Variants in ETV7 observed in about 807,000 individuals in gnomAD.
ETV7 encodes the protein transcription factor ETV7.
In ETV7, 43 loss-of-function variants were observed where a neutral mutation model predicts 39.1. The observed-to-expected ratio is 1.10, with a 90% CI of 0.86 to 1.42. ETV7 has a LOEUF of 1.42. Ranked by LOEUF, ETV7 falls within the 40% of genes most tolerant of loss-of-function variation. The probability of loss-of-function intolerance (pLI) is 0.00; values close to 1 mark genes in which losing one functional copy is unlikely to be tolerated. For missense variants in ETV7, 432 were observed against 442.3 expected, an observed-to-expected ratio of 0.98 and a Z score of 0.21; for synonymous variants, 196 against 176.6, an observed-to-expected ratio of 1.11 and a Z score of -0.87.
At chr6:36,365,849 T>C (rs7748318), downstream of ETV7, among the ~76,000 whole-genome samples, 14,805 of 152,178 alleles carry the variant, frequency 0.097, 1,034 homozygotes, top group African/African-American at 0.2. Context: ...ACAAGGCCCT[T>C]AGCACAAGGC....
At chr6:36,359,170 G>C (rs766267093) in intron 7 of ETV7, among the ~76,000 whole-genome samples, 1 of 152,232 alleles carries the variant, frequency 6.6e-6, no homozygotes, top group South Asian at 2.1e-4. Flanking sequence ...GGATGGACAG[G>C]CTGGGCGAAG....
chr6:36,373,322 T>C (rs1164648322), intron 4 of ETV7, 131 bp downstream of exon 4: 2 of 923,950 alleles, frequency 2.2e-6, no homozygotes, highest in African/African-American at 4.8e-5. Context: ...GAGCAGGAGG[T>C]GGGGGTGGGG....
chr6:36,363,092 C>T (rs898839831), downstream of ETV7, among the ~76,000 whole-genome samples: 7 of 150,030 alleles, frequency 4.7e-5, no homozygotes, highest in Non-Finnish European at 8.8e-5. Context: ...TTCGACAGTC[C>T]CTCCTAAGCC....
chr6:36,376,863 C>T (rs945099890), intron 2 of ETV7, among the ~76,000 whole-genome samples: 5 of 152,008 alleles, frequency 3.3e-5, no homozygotes, highest in Admixed American at 1.3e-4. Flanking sequence ...CTAGCCCACA[C>T]GCATACAGGC....
chr6:36,377,807 A>G (rs1301778558), intron 2 of ETV7, among the ~76,000 whole-genome samples: 1 of 152,172 alleles, frequency 6.6e-6, no homozygotes, highest in Non-Finnish European at 1.5e-5. Flanking sequence ...CCCACCACCA[A>G]TAACTCTAAC....
chr6:36,375,979 C>G lies in ETV7; in HGVS notation c.199G>C (p.Glu67Gln), dbSNP rs976452655. The G allele has an allele frequency of 7.4e-6, 12 of 1,612,140 alleles. No homozygotes were observed. Among genetic ancestry groups the G allele is most frequent in the Non-Finnish European group, 1.0e-5 (12 of 1,180,022 alleles). Residue 67 changes from glutamate (E) to glutamine (Q), a missense_variant, in exon 3 of 8, where the codon GAG (glutamate) becomes CAG (glutamine). Transcript: ENST00000340181. ...EDVLHWLRWA[E>Q]QEYSLPCTAE... Reference sequence around the variant, plus strand: ...GTGCATGGCAGAGAGTACTCCTGCTCTGCCCAGCGCAGCCAGTGCAGCACG... The same window carrying G: ...GTGCATGGCAGAGAGTACTCCTGCTGTGCCCAGCGCAGCCAGTGCAGCACG...
chr6:36,359,136 T>TGACCTGCAGATTA (rs1468475592), intron 7 of ETV7, among the ~76,000 whole-genome samples: 1 of 152,178 alleles, frequency 6.6e-6, no homozygotes, highest in African/African-American at 2.4e-5. Flanking sequence ...TTTCATGGTG[T>TGACCTGCAGATTA]GACCTGCAGA....
At chr6:36,384,383 C>G (rs1773795088) in intron 2 of ETV7, among the ~76,000 whole-genome samples, 1 of 152,182 alleles carries the variant, frequency 6.6e-6, no homozygotes, top group Admixed American at 6.5e-5. Flanking sequence ...GAAGGGCCCA[C>G]AGAAGTGATC....
At chr6:36,364,796 A>G (rs1052183385), downstream of ETV7, among the ~76,000 whole-genome samples, 11 of 152,242 alleles carry the variant, frequency 7.2e-5, no homozygotes, top group Non-Finnish European at 8.8e-5. Context: ...TCATCTCTCA[A>G]TAAGAGAGGC....
chr6:36,362,778 C>T (rs1178695724), downstream of ETV7, among the ~76,000 whole-genome samples: 1 of 152,214 alleles, frequency 6.6e-6, no homozygotes, highest in African/African-American at 2.4e-5. Flanking sequence ...CCTAGTAGCC[C>T]AACCCGGCCA....
chr6:36,376,724 C>G (rs540666922), intron 2 of ETV7, among the ~76,000 whole-genome samples: 1 of 150,108 alleles, frequency 6.7e-6, no homozygotes, highest in Non-Finnish European at 1.5e-5. Context: ...TGCAGTGAGC[C>G]GAGATCATGC....
downstream of ETV7, among the ~76,000 whole-genome samples, chr6:36,361,314 T>A (rs4713963): frequency 0.19 from 29,601 of 152,194 alleles, 3,096 homozygotes; most frequent in Admixed American, 0.28. Context: ...AGGCTCCCTC[T>A]GAGCTCACAC....
At chr6:36,364,999 T>G (rs142598596), downstream of ETV7, among the ~76,000 whole-genome samples, 34 of 152,280 alleles carry the variant, frequency 2.2e-4, no homozygotes, top group African/African-American at 7.5e-4. Flanking sequence ...CTATCACAGC[T>G]TTGAGCCCCA....
At chr6:36,356,472 G>C in intron 7 of ETV7, among the ~76,000 whole-genome samples, 1 of 152,142 alleles carries the variant, frequency 6.6e-6, no homozygotes, top group Non-Finnish European at 1.5e-5. Flanking sequence ...TAGAAGTGGA[G>C]ACCAGACCCT....
chr6:36,367,564 T>A (rs1273393512), intron 6 of ETV7, among the ~76,000 whole-genome samples: 1 of 152,156 alleles, frequency 6.6e-6, no homozygotes, highest in Non-Finnish European at 1.5e-5. Context: ...GCATGTTACT[T>A]TTAAACAGCA....
At position 36,375,908 on chromosome 6, in the gene ETV7, G is replaced by A. The variant is rs766007231; in HGVS notation, c.270C>T (p.Leu90=). ...FEMNGRALCI[L]TKDDFRHRAP... is the part of the protein sequence containing the mutation. Reference sequence around the variant, plus strand: ...CACGGTGCCGGAAGTCGTCCTTGGTGAGGATGCAGAGGGCGCGTCCGTTCA... The same window carrying A: ...CACGGTGCCGGAAGTCGTCCTTGGTAAGGATGCAGAGGGCGCGTCCGTTCA... Residue 90 remains leucine (L), a synonymous_variant, in exon 3 of 8, where the codon CTC becomes CTT. Transcript: ENST00000340181. 1.2e-6 allele frequency: 2 copies of A among 1,613,974 alleles called. No individual in the cohort carries two copies. The highest frequency in any genetic ancestry group is 2.2e-5 in the South Asian group (2 of 91,094).
downstream of ETV7, among the ~76,000 whole-genome samples, chr6:36,362,487 G>C (rs1772526334): frequency 7.6e-6 from 1 of 132,048 alleles, no homozygotes; most frequent in African/African-American, 3.5e-5. Context: ...AGTTCACTTT[G>C]ACACATGAAA....
intron 6 of ETV7, among the ~76,000 whole-genome samples, chr6:36,368,103 C>G (rs1409282289): frequency 6.6e-6 from 1 of 152,118 alleles, no homozygotes; most frequent in African/African-American, 2.4e-5. Context: ...GGGTTCAACT[C>G]CCTGTTCTGC....
chr6:36,386,101 G>A (rs1337750268), intron 1 of ETV7, among the ~76,000 whole-genome samples: 1 of 152,208 alleles, frequency 6.6e-6, no homozygotes, highest in African/African-American at 2.4e-5. Flanking sequence ...TCTGGGGCGG[G>A]TGGATTACTT....
Sources: allele counts gnomAD v4.1 joint callset (sites outside exome capture counted in the v4.1 genomes callset), GRCh38; gene constraint gnomAD v4.1.1; transcripts MANE v1.5; gene names NCBI Gene and HGNC (gene_info 2026-07-23, HGNC 2026-07-21).